RSRC1: variants seen among roughly 807,000 people sequenced by gnomAD.
RSRC1 encodes serine/Arginine-related protein 53.
A neutral mutation model predicts 49.1 loss-of-function variants in RSRC1; 39 were observed. That is an observed-to-expected ratio of 0.79 (90% CI 0.61 to 1.04). The LOEUF (loss-of-function observed/expected upper bound fraction) is 1.04, where lower values mean the gene tolerates loss of function less well. Among genes scored for constraint, RSRC1 ranks in the 50% least tolerant of loss-of-function variants. The probability of loss-of-function intolerance (pLI) is 0.00; values close to 1 mark genes in which losing one functional copy is unlikely to be tolerated. For missense variants in RSRC1, 388 were observed against 402.4 expected (o/e 0.96, Z 0.31); for synonymous variants, 143 against 130.8 (o/e 1.09, Z -0.63).
At chr3:158,453,328 G>A (rs1009157831) in intron 6 of RSRC1, among the ~76,000 whole-genome samples, 3 of 150,854 alleles carry the variant, frequency 2.0e-5, no homozygotes, top group African/African-American at 7.3e-5. Context: ...TTGATGCAGG[G>A]TATATGTATT....
intron 3 of RSRC1, among the ~76,000 whole-genome samples, chr3:158,197,978 G>A (rs982154467): frequency 5.9e-5 from 9 of 152,166 alleles, no homozygotes; most frequent in African/African-American, 1.9e-4. Flanking sequence ...TTGATTTGGG[G>A]TGGAGAGTTC....
rs1713219960 is a variant in RSRC1 at position 158,544,528 on chromosome 3, CTG to C, written c.*255_*256del. ...TTAATAAAGCTAAACATAAATAAGT[CTG>C]TTAAAATGAATGGTAGACACTAGTG... On this transcript the variant is annotated 3_prime_UTR_variant, in exon 10 of 10. Coordinates refer to ENST00000611884, the MANE Select transcript of RSRC1 (RefSeq NM_001271838.2). 1 of 253,276 alleles carries C rather than the reference CTG, an allele frequency of 3.9e-6. No homozygotes were observed. The highest frequency in any genetic ancestry group is 8.0e-5 in the East Asian group (1 of 12,430). The allele number at this position is 253,276 out of a possible 1,614,324, so 15.7% of individuals were successfully genotyped here. A position where few individuals can be genotyped will look rare whatever the true frequency, so the allele number is the denominator to read the frequency against.
intron 6 of RSRC1, among the ~76,000 whole-genome samples, chr3:158,423,052 C>T (rs1392814110): frequency 2.0e-5 from 3 of 151,958 alleles, no homozygotes; most frequent in East Asian, 1.9e-4. Context: ...TGGTAGTTTC[C>T]TTTGCTGTGC....
intron 3 of RSRC1, among the ~76,000 whole-genome samples, chr3:158,192,776 T>C (rs1342747775): frequency 6.6e-6 from 1 of 152,030 alleles, no homozygotes; most frequent in East Asian, 1.9e-4. Context: ...TTCCTGTTAA[T>C]AGCAAACCAC....
At chr3:158,521,661 A>C (rs1711682622) in intron 7 of RSRC1, among the ~76,000 whole-genome samples, 1 of 149,920 alleles carries the variant, frequency 6.7e-6, no homozygotes, top group South Asian at 2.2e-4. Context: ...ACAGTCACTT[A>C]CTTCACTTGT....
chr3:158,229,230 ATG>A (rs777261552), intron 4 of RSRC1, among the ~76,000 whole-genome samples: 1 of 151,222 alleles, frequency 6.6e-6, no homozygotes, highest in Non-Finnish European at 1.5e-5. Flanking sequence ...ATACACGTAT[ATG>A]TGTATGTATG....
intron 3 of RSRC1, among the ~76,000 whole-genome samples, chr3:158,145,018 A>G (rs574467554): frequency 6.6e-4 from 100 of 152,194 alleles, no homozygotes; most frequent in Admixed American, 1.4e-3. Context: ...TTCTTTGTAG[A>G]TTCTGGATAT....
At chr3:158,181,787 TAAA>T (rs566265721) in intron 3 of RSRC1, among the ~76,000 whole-genome samples, 48 of 152,278 alleles carry the variant, frequency 3.2e-4, no homozygotes, top group Admixed American at 2.4e-3. Flanking sequence ...AGAAAAATAT[TAAA>T]TAATTATGTA....
chr3:158,237,945 A>G (rs1401044349), intron 4 of RSRC1, among the ~76,000 whole-genome samples: 1 of 152,084 alleles, frequency 6.6e-6, no homozygotes, highest in Non-Finnish European at 1.5e-5. Context: ...GTTTGTCATA[A>G]ATAGCTCCTA....
At chr3:158,350,209 G>T (rs1261604023) in intron 5 of RSRC1, among the ~76,000 whole-genome samples, 6 of 138,856 alleles carry the variant, frequency 4.3e-5, no homozygotes, top group African/African-American at 1.6e-4. Flanking sequence ...AAAAGGTCTG[G>T]CTCTATCACC....
At chr3:158,508,585 G>A (rs535097847) in intron 7 of RSRC1, among the ~76,000 whole-genome samples, 65 of 151,806 alleles carry the variant, frequency 4.3e-4, no homozygotes, top group African/African-American at 1.5e-3. Flanking sequence ...ACAGTGAACT[G>A]TAGTCCAAAA....
At chr3:158,456,149 T>C (rs1188139982) in intron 6 of RSRC1, among the ~76,000 whole-genome samples, 1 of 151,992 alleles carries the variant, frequency 6.6e-6, no homozygotes, top group Non-Finnish European at 1.5e-5. Context: ...CTTAAAATAA[T>C]ATACATGTGT....
intron 4 of RSRC1, among the ~76,000 whole-genome samples, chr3:158,286,149 C>T (rs1726542243): frequency 6.6e-6 from 1 of 152,212 alleles, no homozygotes; most frequent in Admixed American, 6.5e-5. Flanking sequence ...CTTAAATCCT[C>T]ATCGCTTTGC....
At chr3:158,127,018 T>C (rs1715671627) in intron 3 of RSRC1, among the ~76,000 whole-genome samples, 1 of 152,184 alleles carries the variant, frequency 6.6e-6, no homozygotes, top group South Asian at 2.1e-4. Flanking sequence ...CCCTTGTGTA[T>C]GACGATTTAC....
At chr3:158,342,120 C>G (rs996398518) in intron 5 of RSRC1, among the ~76,000 whole-genome samples, 3 of 152,142 alleles carry the variant, frequency 2.0e-5, no homozygotes, top group African/African-American at 7.2e-5. Context: ...TTTGCTTTGT[C>G]TCAGATGATA....
At chr3:158,531,266 T>C (rs1349468795) in intron 7 of RSRC1, among the ~76,000 whole-genome samples, 1 of 151,782 alleles carries the variant, frequency 6.6e-6, no homozygotes, top group Non-Finnish European at 1.5e-5. Flanking sequence ...TGTGGCATCA[T>C]CACAAAGTGG....
At chr3:158,435,672 A>G (rs1338189957) in intron 6 of RSRC1, among the ~76,000 whole-genome samples, 1 of 151,704 alleles carries the variant, frequency 6.6e-6, no homozygotes, top group African/African-American at 2.4e-5. Context: ...AATTTTTAAT[A>G]TTGAATTATA....
intron 7 of RSRC1, among the ~76,000 whole-genome samples, chr3:158,468,844 A>G (rs1738002237): frequency 6.6e-6 from 1 of 152,200 alleles, no homozygotes; most frequent in African/African-American, 2.4e-5. Flanking sequence ...AAAATTAATT[A>G]AAAAGTTAAT....
At chr3:158,372,932 A>C (rs1028002610) in intron 6 of RSRC1, among the ~76,000 whole-genome samples, 3 of 151,746 alleles carry the variant, frequency 2.0e-5, no homozygotes, top group Non-Finnish European at 3.0e-5. Context: ...TTTATTCCTA[A>C]ATATTTCATG....
Sources: allele counts gnomAD v4.1 joint callset (sites outside exome capture counted in the v4.1 genomes callset), GRCh38; gene constraint gnomAD v4.1.1; transcripts MANE v1.5; gene names NCBI Gene and HGNC (gene_info 2026-07-23, HGNC 2026-07-21).